CORO7: variants seen among roughly 807,000 people sequenced by gnomAD.
The protein encoded by CORO7 is coronin 7, also known as coronin-7.
Under a neutral mutation model 126.6 loss-of-function variants are expected in CORO7, and 107 were observed. That is an observed-to-expected ratio of 0.85 (90% CI 0.72 to 0.99). The LOEUF (loss-of-function observed/expected upper bound fraction) is 0.99. CORO7 is among the 50% of genes least tolerant of loss of function. The pLI, the probability that CORO7 is intolerant of heterozygous loss-of-function variation, is 0.00. For synonymous variants in CORO7, 603 were observed against 536.8 expected (o/e 1.12, Z -1.70); for missense variants, 1,314 against 1,255.8 (o/e 1.05, Z -0.70).
intron 6 of CORO7, among the ~76,000 whole-genome samples, chr16:4,398,967 CAA>C (rs60502616): frequency 6.4e-5 from 4 of 62,038 alleles, no homozygotes; most frequent in Admixed American, 1.8e-4. Flanking sequence ...GACTCCGTCT[CAA>C]AAAAAAAAAA....
rs201669355 is a variant in CORO7 at position 4,381,442 on chromosome 16, C to G, written c.785+6544G>C. The G allele has an allele frequency of 2.1e-4, 336 of 1,580,274 alleles. 1 individual carries two copies. Among genetic ancestry groups the G allele is most frequent in the Non-Finnish European group, 1.3e-4 (150 of 1,164,950 alleles). On this transcript the variant is annotated intron_variant, in intron 9 of 27. Transcript: ENST00000251166. ...CCTCCTGGCCCTGGAGCCCGGCATC[C>G]TGGACACTGCCAACGTGGAGGCGCT... is the stretch of plus-strand genomic sequence containing the variant.
rs1312815515 is a variant in CORO7, at chr16:4,354,906, G to A, written c.*252C>T. ...CCCAGGGACATGCTGCTGACCCCCC[G>A]CCACCCTGCACCCCTGGCCACATGC... is the stretch of plus-strand genomic sequence containing the variant. On this transcript the variant is annotated 3_prime_UTR_variant, in exon 28 of 28. Transcript: ENST00000251166. 2.1e-5 allele frequency: 9 copies of A among 438,708 alleles called. No homozygotes were observed. Among genetic ancestry groups the A allele is most frequent in the East Asian group, 6.6e-5 (2 of 30,416 alleles). 27.2% of individuals were successfully genotyped at this position (438,708 alleles called of 1,614,324 possible). A position where few individuals can be genotyped will look rare whatever the true frequency, so the allele number is the denominator to read the frequency against.
In CORO7 at chr16:4,407,418, T is replaced by C. The variant is rs1023777166; in HGVS notation, c.487+83A>G. 4 of 1,466,586 alleles carry C rather than the reference T, an allele frequency of 2.7e-6. No individual in the cohort carries two copies. In the African/African-American group the frequency reaches 5.7e-5, roughly 21 times the overall value. The allele number at this position is 1,466,586 out of a possible 1,614,324, so 90.8% of individuals were successfully genotyped here. ...ACTTTGATATCTGTTTTTAAATTTA[T>C]GTGACTAAACATGCCAACAAAGAAA... On this transcript the variant is annotated intron_variant, in intron 5 of 27. Coordinates refer to ENST00000251166, the MANE Select transcript of CORO7 (RefSeq NM_024535.5).
chr16:4,401,023 C>T (rs531429493), intron 6 of CORO7, among the ~76,000 whole-genome samples: 1 of 152,218 alleles, frequency 6.6e-6, no homozygotes, highest in African/African-American at 2.4e-5. Flanking sequence ...CAGGGGAAAA[C>T]CAAGTGAATT....
chr16:4,405,897 C>A (rs891437291), intron 5 of CORO7, among the ~76,000 whole-genome samples: 1 of 152,194 alleles, frequency 6.6e-6, no homozygotes, highest in East Asian at 1.9e-4. Flanking sequence ...TCTATTCCTG[C>A]CATCTATACT....
At chr16:4,393,554 T>C (rs1298742711) in intron 7 of CORO7, among the ~76,000 whole-genome samples, 2 of 152,342 alleles carry the variant, frequency 1.3e-5, no homozygotes, top group African/African-American at 2.4e-5. Flanking sequence ...CAATCTTCCA[T>C]GTGACTGGGT....
chr16:4,412,238 G>A (rs2056238517), intron 3 of CORO7, 118 bp downstream of exon 3: 1 of 1,083,230 alleles, frequency 9.2e-7, no homozygotes, highest in African/African-American at 1.5e-5. Flanking sequence ...GCACAGACAG[G>A]GCGACAGGAG....
At chr16:4,386,285 G>T (rs543555322) in intron 9 of CORO7, among the ~76,000 whole-genome samples, 2 of 152,204 alleles carry the variant, frequency 1.3e-5, no homozygotes, top group East Asian at 3.8e-4. Flanking sequence ...CAGTGGCACC[G>T]TGAGGTCTGG....
chr16:4,373,828 G>A (rs1452908848), intron 9 of CORO7, among the ~76,000 whole-genome samples: 1 of 152,172 alleles, frequency 6.6e-6, no homozygotes, highest in African/African-American at 2.4e-5. Flanking sequence ...CAGACAGCCA[G>A]TCCTGCCAGT....
intron 7 of CORO7, among the ~76,000 whole-genome samples, chr16:4,393,361 C>T (rs1483483040): frequency 1.3e-5 from 2 of 152,240 alleles, no homozygotes; most frequent in Admixed American, 6.5e-5. Context: ...GAGATGCAGA[C>T]AGCCACCATC....
intron 3 of CORO7, among the ~76,000 whole-genome samples, chr16:4,411,456 C>G (rs1215392770): frequency 6.6e-6 from 1 of 152,070 alleles, no homozygotes; most frequent in African/African-American, 2.4e-5. Context: ...AATGCCAGTA[C>G]TTTGGGAGGT....
intron 9 of CORO7, among the ~76,000 whole-genome samples, chr16:4,366,532 T>C (rs1193818407): frequency 1.4e-5 from 2 of 147,726 alleles, no homozygotes; most frequent in Non-Finnish European, 3.0e-5. Flanking sequence ...CTCCTGATCT[T>C]TGCTTTTTTT....
intron 6 of CORO7, among the ~76,000 whole-genome samples, chr16:4,403,067 C>CCCCCAT (rs1374913423): frequency 6.6e-6 from 1 of 152,062 alleles, no homozygotes; most frequent in Admixed American, 6.5e-5. Flanking sequence ...TGACCCCCCA[C>CCCCCAT]CCCCATCCCC....
chr16:4,360,493 T>A lies in CORO7; in HGVS notation c.1973A>T (p.Asp658Val). 1 of 1,612,166 alleles carries A rather than the reference T, an allele frequency of 6.2e-7. No homozygotes were observed. Among genetic ancestry groups the A allele is most frequent in the Admixed American group, 1.7e-5 (1 of 59,882 alleles). Residue 658 changes from aspartate to valine, a missense_variant, in exon 20 of 28, where the codon GAT becomes GTT. Coordinates refer to ENST00000251166, the MANE Select transcript of CORO7 (RefSeq NM_024535.5). ...DGQQLATVCK[D>V]GRVRVYRPRS... Reference sequence around the variant, plus strand: ...GGGCCTGTAGACCCGCACACGCCCATCCTTGCAGACAGTGGCCAGCTGCTG... The same window carrying A: ...GGGCCTGTAGACCCGCACACGCCCAACCTTGCAGACAGTGGCCAGCTGCTG...
Position 4,358,022 on chromosome 16 carries a change from C to T in CORO7, c.2539G>A (p.Gly847Ser). The T allele has an allele frequency of 6.2e-7, 1 of 1,613,136 alleles. No homozygotes were observed. Among genetic ancestry groups the T allele is most frequent in the East Asian group, 2.2e-5 (1 of 44,878 alleles). The change falls in exon 25 of 28, where the codon GGC (glycine) becomes AGC (serine). Residue 847 changes from glycine (G) to serine (S), a missense_variant. By Grantham distance (56) the Gly-to-Ser change is moderately conservative. Coordinates refer to ENST00000251166, the MANE Select transcript of CORO7 (RefSeq NM_024535.5). ...AGAAGCCAGGGCTGCCCATTAGCGCCTTGCAGCCAGGCCTCGGCACTGAGC... is the reference window on the plus strand; with the variant it reads ...AGAAGCCAGGGCTGCCCATTAGCGCTTTGCAGCCAGGCCTCGGCACTGAGC... ...PVLSAEAWLQ[G>S]ANGQPWLLSL... is the part of the protein sequence containing the mutation.
At chr16:4,399,423 A>G (rs1483718369) in intron 6 of CORO7, among the ~76,000 whole-genome samples, 1 of 152,220 alleles carries the variant, frequency 6.6e-6, no homozygotes, top group East Asian at 1.9e-4. Context: ...TGGGGCATCT[A>G]AAGTAGTCAA....
At position 4,392,134 on chromosome 16, in the gene CORO7, G is replaced by A. The variant is rs149621657; in HGVS notation, c.615+3155C>T. The stretch of plus-strand genomic sequence containing the variant: ...CTGAGATTCCTAGAGGGCTCAATCC[G>A]GGGCCCCCTCCCGCCCAGACAAGGG... On this transcript the variant is annotated intron_variant, in intron 7 of 27. Transcript: ENST00000251166. Among the ~76,000 whole-genome samples the A allele has an allele frequency of 5.1e-3, 780 of 152,224 alleles. 8 individuals carry two copies. Among genetic ancestry groups the A allele is most frequent in the African/African-American group, 0.018 (734 of 41,514 alleles).
intron 6 of CORO7, among the ~76,000 whole-genome samples, chr16:4,403,856 C>G (rs2055900530): frequency 6.6e-6 from 1 of 152,216 alleles, no homozygotes. Context: ...AGGCCATCCC[C>G]TCTGCCTGGG....
chr16:4,385,112 C>G (rs1567278658), intron 9 of CORO7, among the ~76,000 whole-genome samples: 1 of 152,196 alleles, frequency 6.6e-6, no homozygotes, highest in African/African-American at 2.4e-5. Context: ...CGACCCGGGA[C>G]AAGCCCCCCG....
Sources: allele counts gnomAD v4.1 joint callset (sites outside exome capture counted in the v4.1 genomes callset), GRCh38; gene constraint gnomAD v4.1.1; transcripts MANE v1.5; gene names NCBI Gene and HGNC (gene_info 2026-07-23, HGNC 2026-07-21).